CPEB4: variants seen among roughly 807,000 people sequenced by gnomAD.
CPEB4 encodes cytoplasmic polyadenylation element binding protein 4.
CPEB4 carries 12 observed loss-of-function variants against 72.5 expected under a neutral mutation model. The ratio of observed to expected loss-of-function variants is 0.17; its 90% CI spans 0.11 to 0.27. The LOEUF (loss-of-function observed/expected upper bound fraction) is 0.27. Ranked by LOEUF, CPEB4 falls within the 10% of genes least tolerant of loss-of-function variation. The probability of loss-of-function intolerance (pLI) is 1.00; values close to 1 mark genes in which losing one functional copy is unlikely to be tolerated. For missense variants in CPEB4, 614 were observed against 908.5 expected, an observed-to-expected ratio of 0.68 and a Z score of 4.17; for synonymous variants, 302 against 326.3, an observed-to-expected ratio of 0.93 and a Z score of 0.80.
At chr5:173,891,195 A>G (rs1755798899) in intron 1 of CPEB4, among the ~76,000 whole-genome samples, 1 of 152,176 alleles carries the variant, frequency 6.6e-6, no homozygotes, top group African/African-American at 2.4e-5. Flanking sequence ...TAAATAATAT[A>G]TAGATATAAA....
chr5:173,942,538 G>T (rs146857389), intron 3 of CPEB4, among the ~76,000 whole-genome samples: 278 of 152,322 alleles, frequency 1.8e-3, no homozygotes, highest in African/African-American at 6.1e-3. Flanking sequence ...ATTGCTTAAA[G>T]ATTTCATTTG....
chr5:173,943,162 AT>A (rs1294501558), intron 4 of CPEB4, 113 bp downstream of exon 4: 2 of 1,018,038 alleles, frequency 2.0e-6, no homozygotes, highest in Non-Finnish European at 2.9e-6. Flanking sequence ...CATAGCTTTG[AT>A]CCTTAGGTAA....
At chr5:173,928,339 C>T (rs766965372) in intron 2 of CPEB4, among the ~76,000 whole-genome samples, 19 of 152,234 alleles carry the variant, frequency 1.2e-4, no homozygotes, top group Middle Eastern at 6.8e-3. Flanking sequence ...GCAGTTTTTG[C>T]CATCAACCTA....
intron 1 of CPEB4, among the ~76,000 whole-genome samples, chr5:173,905,017 AAAAAAATG>A (rs1561608961): frequency 3.0e-5 from 1 of 33,158 alleles, no homozygotes; most frequent in Non-Finnish European, 8.1e-5. Flanking sequence ...TAATAATAAT[AAAAAAATG>A]TAACTTAGAA....
In CPEB4 at chr5:173,889,598, C is replaced by A; in HGVS notation, c.-136C>A. On this transcript the variant is annotated 5_prime_UTR_variant, in exon 1 of 10. Transcript: ENST00000265085. ...CAGAACAATTTAAGGTGATAAGCTG[C>A]GATCTTTGAGCTAGCTATAAATAAG... 1.4e-6 allele frequency: 1 copy of A among 720,444 alleles called. No individual in the cohort carries two copies. Among genetic ancestry groups the A allele is most frequent in the Non-Finnish European group, 2.3e-6 (1 of 432,194 alleles). 44.6% of individuals were successfully genotyped at this position (720,444 alleles called of 1,614,324 possible).
At chr5:173,953,721 G>T (rs1758284636) in intron 9 of CPEB4, among the ~76,000 whole-genome samples, 2 of 128,026 alleles carry the variant, frequency 1.6e-5, no homozygotes, top group East Asian at 4.1e-4. Flanking sequence ...TGTACTCACA[G>T]ATTTCTTTTT....
At position 173,890,579 on chromosome 5, in the gene CPEB4, C is replaced by T. The variant is rs369311710; in HGVS notation, c.846C>T (p.Pro282=). 12 of 1,614,054 alleles carry T rather than the reference C, an allele frequency of 7.4e-6. No individual in the cohort carries two copies. The highest frequency in any genetic ancestry group is 4.4e-5 in the South Asian group (4 of 91,084). Residue 282 remains proline (P), a synonymous_variant, in exon 1 of 10, where the codon CCC becomes CCT. Coordinates refer to ENST00000265085, the MANE Select transcript of CPEB4 (RefSeq NM_030627.4). The part of the protein sequence containing the change: ...PHLANNLNKP[P]SPWSSYQSPS... ...TGGCGAATAATCTTAACAAACCCCC[C>T]TCTCCGTGGAGCAGCTACCAGAGTC...
chr5:173,960,068 G>A lies in CPEB4; in HGVS notation c.*3931G>A, dbSNP rs1393885615. 6.6e-6 allele frequency: 1 copy of A among 152,574 alleles called. No homozygotes were observed. The highest frequency in any genetic ancestry group is 1.5e-5 in the Non-Finnish European group (1 of 67,994). The allele number at this position is 152,574 out of a possible 1,614,324, so 9.5% of individuals were successfully genotyped here. Reference sequence around the variant, plus strand: ...TGGGGAGGTTGTAGTATTTATTATAGCATTTTAAATAAGGGTAATTCATTT... The same window carrying A: ...TGGGGAGGTTGTAGTATTTATTATAACATTTTAAATAAGGGTAATTCATTT... On this transcript the variant is annotated 3_prime_UTR_variant, in exon 10 of 10. Coordinates refer to ENST00000265085, the MANE Select transcript of CPEB4 (RefSeq NM_030627.4).
In CPEB4 at chr5:173,889,072, C is replaced by T. The variant is rs1258630377; in HGVS notation, c.-662C>T. On this transcript the variant is annotated 5_prime_UTR_variant, in exon 1 of 10. Transcript: ENST00000265085. Reference sequence around the variant, plus strand: ...AAACAGGACCAGGAACAGCAGAAACCTCCCTGCAATCATCTTTCCATTAGT... The same window carrying T: ...AAACAGGACCAGGAACAGCAGAAACTTCCCTGCAATCATCTTTCCATTAGT... 2 of 152,298 alleles carry T rather than the reference C, an allele frequency of 1.3e-5. No homozygotes were observed. The highest frequency in any genetic ancestry group is 2.9e-5 in the Non-Finnish European group (2 of 68,122). 9.4% of individuals were successfully genotyped at this position (152,298 alleles called of 1,614,324 possible).
chr5:173,936,847 C>T (rs896550705), intron 3 of CPEB4, among the ~76,000 whole-genome samples: 3 of 148,992 alleles, frequency 2.0e-5, no homozygotes, highest in Non-Finnish European at 4.4e-5. Flanking sequence ...CTTTCATTCT[C>T]CTGCTTTAGC....
rs547733444 is a variant in CPEB4, at chr5:173,889,707, G to A, written c.-27G>A. On this transcript the variant is annotated 5_prime_UTR_variant, in exon 1 of 10. In the 5' UTR this introduces an upstream ATG that the reference lacks. Coordinates refer to ENST00000265085, the MANE Select transcript of CPEB4 (RefSeq NM_030627.4). ...AGACATCAGGTTGTCATTTTTTATT[G>A]TGAGATTCTGCTCCTAAAGATAATA... 4 of 1,526,454 alleles carry A rather than the reference G, an allele frequency of 2.6e-6. No individual in the cohort carries two copies. The highest frequency in any genetic ancestry group is 3.5e-6 in the Non-Finnish European group (4 of 1,137,284). 94.6% of individuals were successfully genotyped at this position (1,526,454 alleles called of 1,614,324 possible).
At position 173,935,598 on chromosome 5, in the gene CPEB4, A is replaced by G. The variant is rs75474225; in HGVS notation, c.1258+3098A>G. Among the ~76,000 whole-genome samples, 821 of 152,304 alleles carry G rather than the reference A, an allele frequency of 5.4e-3. 13 individuals carry two copies. The highest frequency in any genetic ancestry group is 0.042 in the South Asian group (203 of 4,830). Reference sequence around the variant, plus strand: ...TTTTGTTTCGATAAAAATGTAGAGCAGCTGTTTATTCTCTTTCTCACATGA... The same window carrying G: ...TTTTGTTTCGATAAAAATGTAGAGCGGCTGTTTATTCTCTTTCTCACATGA... On this transcript the variant is annotated intron_variant, in intron 3 of 9. Transcript: ENST00000265085.
Position 173,956,566 on chromosome 5 carries a change from G to T in CPEB4, c.*429G>T. On this transcript the variant is annotated 3_prime_UTR_variant, in exon 10 of 10. Transcript: ENST00000265085. ...AATAACACTATCGGTCTATCTGACA[G>T]TTTTTCCCCCAGGGAAGTGCTTTTG... is the stretch of plus-strand genomic sequence containing the variant. 1 of 149,022 alleles carries T rather than the reference G, an allele frequency of 6.7e-6. No homozygotes were observed. The allele number at this position is 149,022 out of a possible 1,614,324, so 9.2% of individuals were successfully genotyped here.
At chr5:173,923,039 A>G (rs1034533371) in intron 2 of CPEB4, among the ~76,000 whole-genome samples, 2 of 152,236 alleles carry the variant, frequency 1.3e-5, no homozygotes, top group Admixed American at 6.5e-5. Context: ...ATAGGAGAAA[A>G]TAGGTAGTGG....
rs543622134 is a variant in CPEB4, at chr5:173,955,802, T to C, written c.1963-108T>C. ...AAATGAATAATTAGTCCTTCCTCTT[T>C]GGGCACCTTGGAACAGATTCATTCA... is the stretch of plus-strand genomic sequence containing the variant. On this transcript the variant is annotated intron_variant, in intron 9 of 9. Transcript: ENST00000265085. This position sits in a 1 kb window ranked among gnomAD's most constrained non-coding sequence, Gnocchi z 4.7. 5 of 814,482 alleles carry C rather than the reference T, an allele frequency of 6.1e-6. No individual in the cohort carries two copies. Among genetic ancestry groups the C allele is most frequent in the South Asian group, 3.8e-5 (2 of 52,588 alleles). The allele number at this position is 814,482 out of a possible 1,614,324, so 50.5% of individuals were successfully genotyped here.
At chr5:173,927,704 G>A (rs1027816393) in intron 2 of CPEB4, among the ~76,000 whole-genome samples, 6 of 151,948 alleles carry the variant, frequency 3.9e-5, no homozygotes, top group African/African-American at 1.5e-4. Context: ...TTGAACCCAG[G>A]AAGCAGAGGT....
intron 5 of CPEB4, among the ~76,000 whole-genome samples, chr5:173,945,897 C>T (rs1315592129): frequency 1.3e-5 from 2 of 152,164 alleles, no homozygotes; most frequent in Non-Finnish European, 2.9e-5. Context: ...GTCTGAGTGA[C>T]CCCAATAAAA....
At position 173,910,573 on chromosome 5, in the gene CPEB4, C is replaced by A; in HGVS notation, c.1176C>A (p.Asp392Glu). The A allele has an allele frequency of 6.2e-7, 1 of 1,611,642 alleles. No homozygotes were observed. Among genetic ancestry groups the A allele is most frequent in the Non-Finnish European group, 8.5e-7 (1 of 1,177,850 alleles). The change falls in exon 2 of 10, where the codon GAC becomes GAA. Residue 392 changes from aspartate to glutamate, a missense_variant. By Grantham distance (45) the Asp-to-Glu change is conservative (BLOSUM62 2). This residue lies in a region of CPEB4 where 458 missense variants were observed against 548.6 expected (regional missense o/e 0.83). Transcript: ENST00000265085. ...DMHSLESSLIDIMRAENDTIK... is the reference protein window; with the variant it reads ...DMHSLESSLIEIMRAENDTIK... Reference sequence around the variant, plus strand: ...ACTCACTGGAGAGTTCACTCATTGACATAATGAGAGCTGAAAATGATACCA... The same window carrying A: ...ACTCACTGGAGAGTTCACTCATTGAAATAATGAGAGCTGAAAATGATACCA...
intron 2 of CPEB4, among the ~76,000 whole-genome samples, chr5:173,925,648 C>T (rs1231968471): frequency 1.3e-5 from 2 of 152,096 alleles, no homozygotes; most frequent in Non-Finnish European, 2.9e-5. Flanking sequence ...CTTTGCTGTC[C>T]GATGTCCAGG....
Sources: gnomAD v4.1 joint callset for allele counts (sites outside exome capture counted in the v4.1 genomes callset) on GRCh38, gnomAD v4.1.1 for gene constraint, gnomAD v4.1.1 regional missense constraint, Gnocchi (gnomAD v3.1) non-coding constraint, MANE v1.5 for transcripts, NCBI Gene and HGNC (gene_info 2026-07-23, HGNC 2026-07-21) for gene names.